The following TTC13 variants were observed in gnomAD, a reference collection of about 807,000 sequenced individuals.
TTC13 encodes the protein tetratricopeptide repeat domain 13, also known as tetratricopeptide repeat protein 13.
TTC13 carries 62 observed loss-of-function variants against 120.0 expected under a neutral mutation model. The observed-to-expected ratio is 0.52, with a 90% CI of 0.42 to 0.64. The LOEUF is 0.64. Among genes scored for constraint, TTC13 ranks in the 30% least tolerant of loss-of-function variants. The probability of loss-of-function intolerance (pLI) is 0.00; values close to 1 mark genes in which losing one functional copy is unlikely to be tolerated. For synonymous variants in TTC13, 384 were observed against 393.5 expected, an observed-to-expected ratio of 0.98 and a Z score of 0.28; for missense variants, 824 against 1,050.2, an observed-to-expected ratio of 0.78 and a Z score of 2.98.
rs1446973450 is a variant in TTC13, at chr1:230,949,405, A to T, written c.514-3951T>A. Among the ~76,000 whole-genome samples, 4 of 101,140 alleles carry T rather than the reference A, an allele frequency of 4.0e-5. 1 individual carries two copies. Among genetic ancestry groups the T allele is most frequent in the Non-Finnish European group, 8.8e-5 (4 of 45,328 alleles). The allele number at this position is 101,140 out of a possible 152,430, so 66.4% of individuals were successfully genotyped here. A position where few individuals can be genotyped will look rare whatever the true frequency, so the allele number is the denominator to read the frequency against. On this transcript the variant is annotated intron_variant, in intron 4 of 22. Coordinates refer to ENST00000366661, the MANE Select transcript of TTC13 (RefSeq NM_024525.5). ...TTTATAGTAATAAAAATTTTAAATT[A>T]AAAAAAAAAAACAGCCATTCAAAAA... is the stretch of plus-strand genomic sequence containing the variant.
At chr1:230,924,510 T>C (rs1376249887) in intron 14 of TTC13, among the ~76,000 whole-genome samples, 2 of 152,186 alleles carry the variant, frequency 1.3e-5, no homozygotes, top group African/African-American at 4.8e-5. Context: ...TTTTTTGTAT[T>C]TTTAGCAGAG....
rs1467961865 is a variant in TTC13, at chr1:230,939,469, G to C, written c.817C>G (p.Gln273Glu). Residue 273 changes from glutamine (Q) to glutamate (E), a missense_variant, in exon 8 of 23, where the codon CAG (glutamine) becomes GAG (glutamate). By Grantham distance (29) the Gln-to-Glu change is conservative. Around this residue, in one of 4 missense-constraint regions of TTC13, gnomAD observed 430 missense variants for 626.8 expected, o/e 0.69. Coordinates refer to ENST00000366661, the MANE Select transcript of TTC13 (RefSeq NM_024525.5). The part of the protein sequence containing the change: ...EDYATAHEDF[Q>E]QSLELNKNQP... ...TTTTTGTTCAGTTCTAAGGACTGCTGAAAGTCTTCATGGGCTGTTGCATAG... is the reference window on the plus strand; with the variant it reads ...TTTTTGTTCAGTTCTAAGGACTGCTCAAAGTCTTCATGGGCTGTTGCATAG... 6.2e-7 allele frequency: 1 copy of C among 1,611,272 alleles called. No individual in the cohort carries two copies. Among genetic ancestry groups the C allele is most frequent in the Non-Finnish European group, 8.5e-7 (1 of 1,178,078 alleles).
chr1:230,934,487 C>A (rs1340475071), intron 8 of TTC13, among the ~76,000 whole-genome samples: 1 of 152,216 alleles, frequency 6.6e-6, no homozygotes, highest in Admixed American at 6.5e-5. Context: ...AAAGTGAGAA[C>A]TGCTAAGCAG....
chr1:230,945,254 C>A, intron 5 of TTC13, 135 bp downstream of exon 5: 2 of 817,934 alleles, frequency 2.4e-6, no homozygotes, highest in Non-Finnish European at 4.2e-6. Flanking sequence ...CTGCCATTTT[C>A]TCATCTGTGA....
intron 9 of TTC13, among the ~76,000 whole-genome samples, chr1:230,932,102 A>G (rs1673613010): frequency 6.6e-6 from 1 of 152,190 alleles, no homozygotes; most frequent in African/African-American, 2.4e-5. Flanking sequence ...GGGAAAATTC[A>G]TCTGCTGATT....
In TTC13 at chr1:230,956,614, A is replaced by C. The variant is rs907547841; in HGVS notation, c.442+1610T>G. 1.1e-5 allele frequency: 4 copies of C among 361,014 alleles called. No individual in the cohort carries two copies. In the East Asian group the frequency reaches 2.6e-4, roughly 24 times the overall value. 22.4% of individuals were successfully genotyped at this position (361,014 alleles called of 1,614,324 possible). A position where few individuals can be genotyped will look rare whatever the true frequency, so the allele number is the denominator to read the frequency against. On this transcript the variant is annotated intron_variant, in intron 3 of 22. Transcript: ENST00000366661. ...CCATAAAAACAAATATGATTTTTAGAGATAAATTTTGTACTTTAGGAACAT... is the reference window on the plus strand; with the variant it reads ...CCATAAAAACAAATATGATTTTTAGCGATAAATTTTGTACTTTAGGAACAT...
In TTC13 at chr1:230,909,145, C is replaced by T. The variant is rs111284611; in HGVS notation, c.2310-125G>A. On this transcript the variant is annotated intron_variant, in intron 20 of 22. Coordinates refer to ENST00000366661, the MANE Select transcript of TTC13 (RefSeq NM_024525.5). ...TCAAAAATTCTTTCAAATAAAACAC[C>T]GAATGTTTCATTTAACATGAAAATA... The T allele has an allele frequency of 1.6e-4, 115 of 739,452 alleles. 1 individual carries two copies. The highest frequency in any genetic ancestry group is 1.5e-3 in the African/African-American group (85 of 56,288). The allele number at this position is 739,452 out of a possible 1,614,324, so 45.8% of individuals were successfully genotyped here.
At chr1:230,932,333 A>C (rs1673634525) in intron 9 of TTC13, among the ~76,000 whole-genome samples, 1 of 150,710 alleles carries the variant, frequency 6.6e-6, no homozygotes, top group Non-Finnish European at 1.5e-5. Flanking sequence ...TGCTTTGCTT[A>C]AAATCTAGTA....
chr1:230,929,661 C>A (rs1340034344), intron 11 of TTC13, among the ~76,000 whole-genome samples: 1 of 152,142 alleles, frequency 6.6e-6, no homozygotes, highest in Admixed American at 6.5e-5. Flanking sequence ...CACTAAAAAT[C>A]TCATTGTTTT....
Position 230,942,774 on chromosome 1 carries a change from C to T in TTC13, c.672+1032G>A, listed in dbSNP as rs143232872. Among the ~76,000 whole-genome samples, 2 of 152,196 alleles carry T rather than the reference C, an allele frequency of 1.3e-5. No individual in the cohort carries two copies. Among genetic ancestry groups the T allele is most frequent in the Admixed American group, 1.3e-4 (2 of 15,274 alleles). ...CAGACTCTCTTCCCTGCGCTGAACACTCTCCTCCATCTTGTCCCCACCACA... is the reference window on the plus strand; with the variant it reads ...CAGACTCTCTTCCCTGCGCTGAACATTCTCCTCCATCTTGTCCCCACCACA... On this transcript the variant is annotated intron_variant, in intron 6 of 22. Transcript: ENST00000366661. The surrounding 1 kb of genome is among the most constrained non-coding windows in gnomAD (Gnocchi z 4.0).
rs1675085551 is a variant in TTC13 at position 230,947,231 on chromosome 1, CT to C, written c.514-1778del. Among the ~76,000 whole-genome samples the C allele has an allele frequency of 2.0e-5, 3 of 151,994 alleles. No homozygotes were observed. In the South Asian group the frequency reaches 6.2e-4, roughly 32 times the overall value. The stretch of plus-strand genomic sequence containing the variant: ...TAAGCACTTTAAACATTTAAGTATT[CT>C]TCCTGGCTTAAAGGAAGGCAGAGTA... On this transcript the variant is annotated intron_variant, in intron 4 of 22. Transcript: ENST00000366661.
At chr1:230,973,281 T>C (rs1021884235) in intron 1 of TTC13, among the ~76,000 whole-genome samples, 3 of 152,324 alleles carry the variant, frequency 2.0e-5, no homozygotes, top group Middle Eastern at 6.8e-3. Flanking sequence ...GCAAAAAGAC[T>C]GACTTCATGT....
rs760157709 is a variant in TTC13, at chr1:230,911,519, A to G, written c.2260T>C (p.Ser754Pro). ...AAATTATAAAAGTAATAAACTAAGG[A>G]TAAGATTAAGTTGCAGACAGCATCA... is the stretch of plus-strand genomic sequence containing the variant. The part of the protein sequence containing the change: ...EADAVCNLIL[S>P]LVYYFYNLMP... Residue 754 changes from serine (S) to proline (P), a missense_variant, in exon 20 of 23, where the codon TCC (serine) becomes CCC (proline). By Grantham distance (74) the Ser-to-Pro change is moderately conservative. Coordinates refer to ENST00000366661, the MANE Select transcript of TTC13 (RefSeq NM_024525.5). 1.2e-6 allele frequency: 2 copies of G among 1,607,314 alleles called. No individual in the cohort carries two copies. Among genetic ancestry groups the G allele is most frequent in the African/African-American group, 2.7e-5 (2 of 74,440 alleles).
Position 230,933,834 on chromosome 1 carries a change from A to C in TTC13, c.928T>G (p.Leu310Val). The change falls in exon 9 of 23, where the codon TTG (leucine) becomes GTG (valine). Residue 310 changes from leucine to valine, a missense_variant. Leu to Val is a conservative substitution (Grantham distance 32). Coordinates refer to ENST00000366661, the MANE Select transcript of TTC13 (RefSeq NM_024525.5). Reference protein sequence around the residue: ...KEAIESFKEALKQKVDFIDAY... With the variant: ...KEAIESFKEAVKQKVDFIDAY... ...TCAATAAAGTCAACTTTCTGCTTCA[A>C]AGCTTCTTTGAAGGATTCAATAGCT... 1.2e-6 allele frequency: 2 copies of C among 1,608,736 alleles called. No individual in the cohort carries two copies. The highest frequency in any genetic ancestry group is 1.7e-6 in the Non-Finnish European group (2 of 1,178,258).
intron 4 of TTC13, among the ~76,000 whole-genome samples, chr1:230,951,373 C>CT (rs1675560953): frequency 6.8e-6 from 1 of 147,088 alleles, no homozygotes. Context: ...CATGAGCTGT[C>CT]TAAAAAAAAA....
At chr1:230,933,687 G>A (rs1366865414) in intron 9 of TTC13, 92 bp downstream of exon 9, 9 of 670,382 alleles carry the variant, frequency 1.3e-5, no homozygotes, top group Non-Finnish European at 1.5e-5. Flanking sequence ...CTTTGGTTAA[G>A]AAATACTATT....
At chr1:230,972,571 G>C (rs1457799390) in intron 1 of TTC13, among the ~76,000 whole-genome samples, 3 of 152,148 alleles carry the variant, frequency 2.0e-5, no homozygotes, top group Non-Finnish European at 4.4e-5. Context: ...AGTATATATT[G>C]AGTGCAGTGA....
chr1:230,915,889 T>C (rs1469487146), intron 18 of TTC13, among the ~76,000 whole-genome samples: 4 of 101,550 alleles, frequency 3.9e-5, no homozygotes, highest in Non-Finnish European at 8.4e-5. Flanking sequence ...ATTTTATTAG[T>C]AAAAGCCTCC....
chr1:230,911,300 G>A, intron 20 of TTC13, 170 bp downstream of exon 20: 1 of 502,822 alleles, frequency 2.0e-6, no homozygotes, highest in South Asian at 3.4e-5. Flanking sequence ...TAATTCTTTT[G>A]CTGATGTGAT....
Sources: gnomAD v4.1 joint callset for allele counts (sites outside exome capture counted in the v4.1 genomes callset) on GRCh38, gnomAD v4.1.1 for gene constraint, gnomAD v4.1.1 regional missense constraint, Gnocchi (gnomAD v3.1) non-coding constraint, MANE v1.5 for transcripts, NCBI Gene and HGNC (gene_info 2026-07-23, HGNC 2026-07-21) for gene names.